INTS1: variants seen among roughly 807,000 people sequenced by gnomAD.
INTS1 encodes the protein integrator complex subunit 1.
Under a neutral mutation model 241.6 loss-of-function variants are expected in INTS1, and 137 were observed. That is an observed-to-expected ratio of 0.57 (90% confidence interval 0.49 to 0.65). INTS1 has a LOEUF of 0.65. INTS1 is among the 30% of genes least tolerant of loss of function. INTS1 has a pLI of 0.00. For synonymous variants in INTS1, 1,692 were observed against 1,337.8 expected, an observed-to-expected ratio of 1.26 and a Z score of -5.78; for missense variants, 3,073 against 3,032.2, an observed-to-expected ratio of 1.01 and a Z score of -0.32.
At chr7:1,491,785 C>T (rs1436621828) in intron 16 of INTS1, among the ~76,000 whole-genome samples, 2 of 152,212 alleles carry the variant, frequency 1.3e-5, no homozygotes, top group Admixed American at 6.5e-5. Context: ...ATAGTCCCAG[C>T]TACACAGGAG....
intron 3 of INTS1, 95 bp downstream of exon 3, chr7:1,502,806 C>A (rs776992418): frequency 1.5e-6 from 2 of 1,363,404 alleles, no homozygotes; most frequent in African/African-American, 1.5e-5. Flanking sequence ...CTCGGCCATA[C>A]GGGCAGCACT....
At chr7:1,495,661 G>C in intron 12 of INTS1, 108 bp from the exon 13 acceptor site, 1 of 1,394,758 alleles carries the variant, frequency 7.2e-7, no homozygotes, top group Non-Finnish European at 9.7e-7. Context: ...GGGTAACTCA[G>C]GGCACCCCCA....
In INTS1 at chr7:1,500,295, C is replaced by G; in HGVS notation, c.421G>C (p.Val141Leu). 6.3e-7 allele frequency: 1 copy of G among 1,593,550 alleles called. No homozygotes were observed. The highest frequency in any genetic ancestry group is 8.6e-7 in the Non-Finnish European group (1 of 1,168,804). ...LEGNDDRIEG[V>L]LCGAVKQLKV... ...AGCTGCTTCACGGCCCCGCACAGCA[C>G]GCCCTCGATCCTGTCATCGTTGCCC... Residue 141 changes from valine (V) to leucine (L), a missense_variant, in exon 4 of 48, where the codon GTG (valine) becomes CTG (leucine). Coordinates refer to ENST00000404767, the MANE Select transcript of INTS1 (RefSeq NM_001080453.3).
chr7:1,488,030 T>C (rs1453216965), intron 18 of INTS1, 73 bp from the exon 19 acceptor site: 18 of 1,509,816 alleles, frequency 1.2e-5, no homozygotes, highest in Non-Finnish European at 1.6e-5. Flanking sequence ...ACGCTCAGGG[T>C]CAAGGAGGGT....
intron 26 of INTS1, chr7:1,483,282 C>T (rs10280897): frequency 4.0e-6 from 1 of 251,384 alleles, no homozygotes; most frequent in Non-Finnish European, 7.9e-6. Flanking sequence ...GCAGAGGGCA[C>T]GGCTGGGTAG....
chr7:1,498,862 C>T lies in INTS1; in HGVS notation c.1138-10G>A, dbSNP rs1034356598. 1.3e-6 allele frequency: 2 copies of T among 1,594,758 alleles called. No homozygotes were observed. Among genetic ancestry groups the T allele is most frequent in the East Asian group, 2.3e-5 (1 of 44,090 alleles). The stretch of plus-strand genomic sequence containing the variant: ...GGGCCGGCCGGGTCAGCTGCGGGGC[C>T]GAGGAGGGAGCAGTGGGCTCACGGC... On this transcript the variant is annotated splice_polypyrimidine_tract_variant and intron_variant, in intron 8 of 47. Transcript: ENST00000404767.
chr7:1,503,794 G>T, intron 2 of INTS1, 109 bp downstream of exon 2: 1 of 764,956 alleles, frequency 1.3e-6, no homozygotes, highest in Non-Finnish European at 2.1e-6. Flanking sequence ...AAACAGCCGC[G>T]GCTGCGGAAC....
chr7:1,500,440 AC>A, intron 3 of INTS1, 74 bp from the exon 4 acceptor site: 1 of 1,413,370 alleles, frequency 7.1e-7, no homozygotes, highest in Non-Finnish European at 9.4e-7. Context: ...CACCGGGAAG[AC>A]CACGAGGAAC....
chr7:1,499,862 C>T (rs377282180), intron 5 of INTS1, 22 bp downstream of exon 5: 6 of 1,603,996 alleles, frequency 3.7e-6, no homozygotes, highest in East Asian at 4.5e-5. Flanking sequence ...CCATCTTCAC[C>T]GTCCCGGGAG....
At position 1,500,308 on chromosome 7, in the gene INTS1, G is replaced by A. The variant is rs778283615; in HGVS notation, c.408C>T (p.Asp136=). Reference sequence around the variant, plus strand: ...CCCCGCACAGCACGCCCTCGATCCTGTCATCGTTGCCCTCCAGCTCGGCCG... The same window carrying A: ...CCCCGCACAGCACGCCCTCGATCCTATCATCGTTGCCCTCCAGCTCGGCCG... ...IEAAELEGND[D]RIEGVLCGAV... Residue 136 remains aspartate (D), a synonymous_variant, in exon 4 of 48, where the codon GAC becomes GAT. Transcript: ENST00000404767. 4.4e-6 allele frequency: 7 copies of A among 1,593,570 alleles called. No individual in the cohort carries two copies. In the South Asian group the frequency reaches 7.9e-5, roughly 18 times the overall value.
chr7:1,493,164 C>A lies in INTS1; in HGVS notation c.2069-58G>T. 1 of 1,464,692 alleles carries A rather than the reference C, an allele frequency of 6.8e-7. No individual in the cohort carries two copies. 90.7% of individuals were successfully genotyped at this position (1,464,692 alleles called of 1,614,324 possible). ...CTGCTCACAGACCATCAGGCACAGG[C>A]AGCGAGGGAACCGGCCCTGCTCGGG... On this transcript the variant is annotated intron_variant, in intron 15 of 47. Transcript: ENST00000404767. This position sits in a 1 kb window ranked among gnomAD's most constrained non-coding sequence, Gnocchi z 5.3.
intron 12 of INTS1, 120 bp downstream of exon 12, chr7:1,496,036 G>A (rs1250024315): frequency 1.1e-5 from 8 of 713,354 alleles, no homozygotes; most frequent in East Asian, 5.5e-5. Context: ...CCGAGTAGCC[G>A]TGCTGCGGGA....
At chr7:1,495,991 AG>A (rs1377039031) in intron 12 of INTS1, among the ~76,000 whole-genome samples, 164 bp downstream of exon 12, 2 of 152,180 alleles carry the variant, frequency 1.3e-5, no homozygotes, top group East Asian at 1.9e-4. Context: ...CCGGATGGAC[AG>A]GAACGGGGAC....
In INTS1 at chr7:1,470,968, C is replaced by G; in HGVS notation, c.6348-13G>C. On this transcript the variant is annotated splice_polypyrimidine_tract_variant and intron_variant, in intron 46 of 47. Transcript: ENST00000404767. The stretch of plus-strand genomic sequence containing the variant: ...AGCGGCTGCAATGCTGAAAGACCCA[C>G]ACACTTCAGTGGGAACCTCCACCCT... 6.4e-7 allele frequency: 1 copy of G among 1,551,794 alleles called. No individual in the cohort carries two copies. The highest frequency in any genetic ancestry group is 8.7e-7 in the Non-Finnish European group (1 of 1,147,596).
chr7:1,488,017 G>A lies in INTS1; in HGVS notation c.2319-60C>T, dbSNP rs890074665. 29 of 1,562,658 alleles carry A rather than the reference G, an allele frequency of 1.9e-5. No individual in the cohort carries two copies. The Admixed American group carries it at 4.9e-4, about 26-fold the overall frequency. Reference sequence around the variant, plus strand: ...CCCATGAAGGGCTCACTCCCAGTGGGCCACGCTCAGGGTCAAGGAGGGTAA... The same window carrying A: ...CCCATGAAGGGCTCACTCCCAGTGGACCACGCTCAGGGTCAAGGAGGGTAA... On this transcript the variant is annotated intron_variant, in intron 18 of 47. Transcript: ENST00000404767.
intron 16 of INTS1, among the ~76,000 whole-genome samples, chr7:1,492,186 A>G (rs1782586061): frequency 6.6e-6 from 1 of 152,212 alleles, no homozygotes; most frequent in African/African-American, 2.4e-5. Context: ...ACACGCTCAC[A>G]GCAGCACCGT....
At position 1,483,793 on chromosome 7, in the gene INTS1, T is replaced by A; in HGVS notation, c.3490A>T (p.Ile1164Phe). 6.2e-7 allele frequency: 1 copy of A among 1,612,456 alleles called. No individual in the cohort carries two copies. The highest frequency in any genetic ancestry group is 8.5e-7 in the Non-Finnish European group (1 of 1,179,698). The change falls in exon 26 of 48, where the codon ATC becomes TTC. Residue 1164 changes from isoleucine (I) to phenylalanine (F), a missense_variant. Ile to Phe is a conservative substitution (Grantham distance 21). Transcript: ENST00000404767. The stretch of plus-strand genomic sequence containing the variant: ...ATCACCATGGCATGGACCACGAGGA[T>A]GTGCATGGTGGCTGTCTCCCCGCTG... ...WSSGETATMH[I>F]LVVHAMVILL...
At chr7:1,483,439 C>T (rs1782091950) in intron 26 of INTS1, 6 of 479,722 alleles carry the variant, frequency 1.3e-5, no homozygotes, top group South Asian at 1.2e-4. Flanking sequence ...GCACCGCAGG[C>T]CTACACGGTT....
At chr7:1,474,057 G>A (rs1781595758) in intron 41 of INTS1, 111 bp downstream of exon 41, 21 of 1,271,534 alleles carry the variant, frequency 1.7e-5, no homozygotes, top group Middle Eastern at 5.6e-4. Flanking sequence ...GGCCTGGCCT[G>A]GGCCCTGGCT....
Sources: allele counts gnomAD v4.1 joint callset (sites outside exome capture counted in the v4.1 genomes callset), GRCh38; gene constraint gnomAD v4.1.1; non-coding constraint Gnocchi (gnomAD v3.1); transcripts MANE v1.5; gene names NCBI Gene and HGNC (gene_info 2026-07-23, HGNC 2026-07-21).